The following SNX8 variants were observed in gnomAD, a reference collection of about 807,000 sequenced individuals.
SNX8 encodes sorting nexin 8.
In SNX8, 25 loss-of-function variants were observed where a neutral mutation model predicts 51.6. The ratio of observed to expected loss-of-function variants is 0.48; its 90% CI spans 0.35 to 0.68. The LOEUF (loss-of-function observed/expected upper bound fraction) is 0.68. SNX8 is among the 30% of genes least tolerant of loss of function. SNX8 has a pLI of 0.00. For synonymous variants in SNX8, 324 were observed against 277.0 expected, an observed-to-expected ratio of 1.17 and a Z score of -1.68; for missense variants, 695 against 624.0, an observed-to-expected ratio of 1.11 and a Z score of -1.21.
chr7:2,295,184 A>G (rs1468805907), intron 1 of SNX8, among the ~76,000 whole-genome samples: 1 of 152,152 alleles, frequency 6.6e-6, no homozygotes, highest in African/African-American at 2.4e-5. Context: ...CGGGCAGATC[A>G]CTTGAGGTCA....
chr7:2,315,873 TTCACTCAC>T (rs140308021), upstream of SNX8, among the ~76,000 whole-genome samples: 2 of 145,664 alleles, frequency 1.4e-5, no homozygotes, highest in African/African-American at 2.6e-5. Flanking sequence ...CCTGCATTCA[TTCACTCAC>T]TCACTAACTG....
At chr7:2,337,943 G>T (rs1182671947) in intron 1 of SNX8, among the ~76,000 whole-genome samples, 1 of 151,762 alleles carries the variant, frequency 6.6e-6, no homozygotes, top group Admixed American at 6.6e-5. Flanking sequence ...AATCAGGGGG[G>T]AGAAGTATGC....
At chr7:2,315,903 C>T (rs997338391), upstream of SNX8, among the ~76,000 whole-genome samples, 27 of 151,512 alleles carry the variant, frequency 1.8e-4, no homozygotes, top group African/African-American at 6.1e-4. Flanking sequence ...ATCCTGCATT[C>T]ATTCATCCAC....
At chr7:2,287,786 A>C (rs2115159816) in intron 1 of SNX8, 1 of 150,312 alleles carries the variant, frequency 6.7e-6, no homozygotes, top group South Asian at 2.1e-4. Context: ...AACAACAACA[A>C]AAAAACTCTA....
intron 1 of SNX8, among the ~76,000 whole-genome samples, chr7:2,340,365 C>T (rs1301528076): frequency 6.6e-6 from 1 of 151,814 alleles, no homozygotes; most frequent in Non-Finnish European, 1.5e-5. Context: ...ACCCACCATG[C>T]CCGGCCTACA....
rs1395497878 is a variant in SNX8, at chr7:2,254,936, A to G, written c.*120T>C. The G allele has an allele frequency of 2.7e-6, 2 of 739,664 alleles. No individual in the cohort carries two copies. Among genetic ancestry groups the G allele is most frequent in the Non-Finnish European group, 4.7e-6 (2 of 426,434 alleles). 45.8% of individuals were successfully genotyped at this position (739,664 alleles called of 1,614,324 possible). On this transcript the variant is annotated 3_prime_UTR_variant, in exon 11 of 11. Transcript: ENST00000222990. ...CCGCAGGCGTGAGCTCCTCTGCTCC[A>G]GCTGCAGCACGGGGCGTGGCGGGGA...
chr7:2,323,847 C>T (rs1778581088), intron 1 of SNX8, among the ~76,000 whole-genome samples: 1 of 152,086 alleles, frequency 6.6e-6, no homozygotes, highest in African/African-American at 2.4e-5. Flanking sequence ...GCTCTGTTGC[C>T]CAGGCTTGAG....
At position 2,270,178 on chromosome 7, in the gene SNX8, G is replaced by A. The variant is rs542821532; in HGVS notation, c.541-539C>T. 2.6e-5 allele frequency among the ~76,000 whole-genome samples: 4 copies of A among 152,126 alleles called. No homozygotes were observed. In the South Asian group the frequency reaches 8.3e-4, roughly 32 times the overall value. On this transcript the variant is annotated intron_variant, in intron 4 of 10. Transcript: ENST00000222990. ...CCCTCTCATCTGAAAGAGGCCTCCT[G>A]GGCAAAGCCGTGCCTTAAAGTCAGG...
intron 1 of SNX8, among the ~76,000 whole-genome samples, chr7:2,303,619 C>A (rs2115190000): frequency 6.6e-6 from 1 of 152,314 alleles, no homozygotes; most frequent in South Asian, 2.1e-4. Context: ...AAGAAAAATT[C>A]TTCTGCCTTG....
chr7:2,352,375 G>A (rs183536997), intron 1 of SNX8, among the ~76,000 whole-genome samples: 1 of 152,028 alleles, frequency 6.6e-6, no homozygotes, highest in Non-Finnish European at 1.5e-5. Flanking sequence ...TGGTCAATTA[G>A]GTTGGAAAAT....
intron 5 of SNX8, among the ~76,000 whole-genome samples, chr7:2,267,778 C>T (rs961407431): frequency 7.8e-6 from 1 of 128,714 alleles, no homozygotes; most frequent in Admixed American, 7.7e-5. Context: ...CGCCCATCGT[C>T]TGGGATGTGA....
rs548524236 is a variant in SNX8, at chr7:2,312,778, G to C, written c.94+1550C>G. Among the ~76,000 whole-genome samples the C allele has an allele frequency of 1.8e-4, 27 of 151,494 alleles. No homozygotes were observed. The South Asian group carries it at 5.4e-3, about 30-fold the overall frequency. On this transcript the variant is annotated intron_variant, in intron 1 of 10. Transcript: ENST00000222990. ...TGTCCCCCCCCACCAAGAAGAAACC[G>C]TAACTCACACCAACACCCACCTACA...
chr7:2,330,529 C>T (rs1778711205), intron 1 of SNX8, among the ~76,000 whole-genome samples: 1 of 152,102 alleles, frequency 6.6e-6, no homozygotes, highest in Non-Finnish European at 1.5e-5. Context: ...CCCCAAAAGA[C>T]GGTCCTGGGA....
rs1382139266 is a variant in SNX8, at chr7:2,269,644, A to C, written c.541-5T>G. The C allele has an allele frequency of 1.9e-6, 3 of 1,591,266 alleles. No homozygotes were observed. The highest frequency in any genetic ancestry group is 2.6e-6 in the Non-Finnish European group (3 of 1,168,680). The stretch of plus-strand genomic sequence containing the variant: ...CTTTAACTTGTTCTGCACATCCTGC[A>C]AAAGGAAAACACACAGCTTCACCCT... On this transcript the variant is annotated splice_polypyrimidine_tract_variant and splice_region_variant and intron_variant, in intron 4 of 10. Transcript: ENST00000222990.
chr7:2,275,930 A>G (rs1795768197), intron 2 of SNX8, among the ~76,000 whole-genome samples: 1 of 151,776 alleles, frequency 6.6e-6, no homozygotes, highest in African/African-American at 2.4e-5. Flanking sequence ...CCCGGGAGGC[A>G]GAGCTTGCGG....
chr7:2,264,621 T>C (rs1795422193), intron 5 of SNX8, among the ~76,000 whole-genome samples, 163 bp from the exon 6 acceptor site: 1 of 151,974 alleles, frequency 6.6e-6, no homozygotes, highest in African/African-American at 2.4e-5. Flanking sequence ...ACTCTGTGTG[T>C]CCAAAAAAGA....
chr7:2,265,059 TCG>T (rs1795432902), intron 5 of SNX8, among the ~76,000 whole-genome samples: 1 of 149,098 alleles, frequency 6.7e-6, no homozygotes, highest in African/African-American at 2.5e-5. Flanking sequence ...AACAAAACAC[TCG>T]AATAATAATC....
At chr7:2,347,418 T>C (rs899881454) in intron 1 of SNX8, among the ~76,000 whole-genome samples, 5 of 145,118 alleles carry the variant, frequency 3.4e-5, no homozygotes, top group East Asian at 2.1e-4. Context: ...GAGGTGGAGA[T>C]TGCAGGGAGC....
At chr7:2,272,016 C>T (rs529695961) in intron 3 of SNX8, 45 bp from the exon 4 acceptor site, 1 of 1,608,032 alleles carries the variant, frequency 6.2e-7, no homozygotes, top group African/African-American at 1.3e-5. Context: ...AGGGCGCCGG[C>T]CCCCATCTTC....
Sources: gnomAD v4.1 joint callset for allele counts (sites outside exome capture counted in the v4.1 genomes callset) on GRCh38, gnomAD v4.1.1 for gene constraint, MANE v1.5 for transcripts, NCBI Gene and HGNC (gene_info 2026-07-23, HGNC 2026-07-21) for gene names.